AMMECR1: variants seen among roughly 807,000 people sequenced by gnomAD.
AMMECR1 encodes nuclear protein AMMECR1.
Under a neutral mutation model 22.5 loss-of-function variants are expected in AMMECR1, and 3 were observed. That is an observed-to-expected ratio of 0.13 (90% CI 0.06 to 0.35). The LOEUF is 0.35. Among genes scored for constraint, AMMECR1 ranks in the 10% least tolerant of loss-of-function variants. The pLI, the probability that AMMECR1 is intolerant of heterozygous loss-of-function variation, is 1.00. For synonymous variants in AMMECR1, 130 were observed against 116.7 expected, an observed-to-expected ratio of 1.11 and a Z score of -0.74; for missense variants, 235 against 278.7, an observed-to-expected ratio of 0.84 and a Z score of 1.12.
chrX:110,316,691 T>C (rs2068049709), intron 1 of AMMECR1, among the ~76,000 whole-genome samples: 2 of 110,647 alleles, frequency 1.8e-5, no homozygotes, highest in South Asian at 3.7e-4. Context: ...ACCACACACT[T>C]GAAGGGTAAA....
intron 1 of AMMECR1, among the ~76,000 whole-genome samples, chrX:110,271,049 G>C (rs2067795708): frequency 9.0e-6 from 1 of 111,634 alleles, no homozygotes; most frequent in Non-Finnish European, 1.9e-5. Context: ...CTGAGGCAGG[G>C]TCGAGAAGTT....
intron 5 of AMMECR1, among the ~76,000 whole-genome samples, chrX:110,198,866 T>C (rs1352924888): frequency 9.0e-6 from 1 of 111,300 alleles, no homozygotes; most frequent in African/African-American, 3.3e-5. Context: ...CTTGTTTAAA[T>C]TGTTCTTTTA....
intron 2 of AMMECR1, among the ~76,000 whole-genome samples, chrX:110,405,631 T>C (rs756646137): frequency 1.8e-5 from 2 of 112,040 alleles, no homozygotes; most frequent in East Asian, 5.6e-4. Flanking sequence ...TAAGGGAACA[T>C]TAACTGTGTG....
intron 2 of AMMECR1, among the ~76,000 whole-genome samples, chrX:110,381,509 GTTAAAGATTTC>G (rs1489939011): frequency 8.9e-6 from 1 of 111,907 alleles, no homozygotes; most frequent in Non-Finnish European, 1.9e-5. Context: ...GTGGAAAGCA[GTTAAAGATTTC>G]TCAAAGATCT....
At chrX:110,399,141 A>G (rs2068547541) in intron 2 of AMMECR1, among the ~76,000 whole-genome samples, 1 of 112,054 alleles carries the variant, frequency 8.9e-6, no homozygotes, top group African/African-American at 3.3e-5. Context: ...TAACAACAAT[A>G]ATATAATACA....
At chrX:110,256,345 G>A (rs1470455158) in intron 2 of AMMECR1, among the ~76,000 whole-genome samples, 1 of 111,927 alleles carries the variant, frequency 8.9e-6, no homozygotes, top group Non-Finnish European at 1.9e-5. Context: ...TCATTATGCG[G>A]TACATGACTA....
chrX:110,296,807 T>C (rs909222565), intron 1 of AMMECR1, among the ~76,000 whole-genome samples: 1 of 111,024 alleles, frequency 9.0e-6, no homozygotes, highest in African/African-American at 3.3e-5. Flanking sequence ...TCGTTCCATT[T>C]TTTGAACAGG....
At chrX:110,252,163 G>T (rs911713164) in intron 2 of AMMECR1, among the ~76,000 whole-genome samples, 1 of 111,516 alleles carries the variant, frequency 9.0e-6, no homozygotes, top group Non-Finnish European at 1.9e-5. Flanking sequence ...AAATTCAGTA[G>T]CTTCCCTTGG....
chrX:110,419,559 G>T (rs1005931971), intron 2 of AMMECR1, among the ~76,000 whole-genome samples: 4 of 112,657 alleles, frequency 3.6e-5, no homozygotes, highest in Non-Finnish European at 7.5e-5. Flanking sequence ...AGAGGACAGG[G>T]ACCTTGTCTG....
chrX:110,290,976 T>C (rs1326194395), intron 1 of AMMECR1, among the ~76,000 whole-genome samples: 1 of 111,573 alleles, frequency 9.0e-6, no homozygotes, highest in East Asian at 2.8e-4. Context: ...ATAATTTTGG[T>C]TTAAAAATTT....
chrX:110,286,498 C>T (rs2067880661), intron 1 of AMMECR1, among the ~76,000 whole-genome samples: 1 of 108,427 alleles, frequency 9.2e-6, no homozygotes, highest in Non-Finnish European at 1.9e-5. Flanking sequence ...AGCAAAAACC[C>T]GTCTCTACAA....
chrX:110,295,033 A>G (rs2148214822), intron 1 of AMMECR1, among the ~76,000 whole-genome samples: 1 of 111,346 alleles, frequency 9.0e-6, no homozygotes, highest in African/African-American at 3.3e-5. Flanking sequence ...TATTTTAAAA[A>G]AAAAAGACTC....
chrX:110,384,843 G>A (rs2068444213), intron 2 of AMMECR1, among the ~76,000 whole-genome samples: 1 of 110,673 alleles, frequency 9.0e-6, no homozygotes, highest in Non-Finnish European at 1.9e-5. Flanking sequence ...AGAATAAAGA[G>A]GTGCAAAACT....
intron 2 of AMMECR1, among the ~76,000 whole-genome samples, chrX:110,232,168 A>G (rs1013580793): frequency 8.9e-6 from 1 of 111,800 alleles, no homozygotes; most frequent in Non-Finnish European, 1.9e-5. Flanking sequence ...AAGCAGACCT[A>G]AGAGACATCT....
At chrX:110,275,863 T>A (rs2148204837) in intron 1 of AMMECR1, among the ~76,000 whole-genome samples, 1 of 111,499 alleles carries the variant, frequency 9.0e-6, no homozygotes, top group East Asian at 2.8e-4. Flanking sequence ...AATTAAAAAA[T>A]TATAATTGCT....
In AMMECR1 at chrX:110,194,483, A is replaced by C. The variant is rs759270588; in HGVS notation, c.*4037T>G. On this transcript the variant is annotated 3_prime_UTR_variant, in exon 6 of 6. Coordinates refer to ENST00000262844, the MANE Select transcript of AMMECR1 (RefSeq NM_015365.3). ...GTAATCAAAAAACAGGTTACTAAGAAAGAAGGAAAAGAGGAGCTACTCCAG... is the reference window on the plus strand; with the variant it reads ...GTAATCAAAAAACAGGTTACTAAGACAGAAGGAAAAGAGGAGCTACTCCAG... 6 of 112,075 alleles carry C rather than the reference A, an allele frequency of 5.4e-5. No individual in the cohort carries two copies. Among genetic ancestry groups the C allele is most frequent in the Non-Finnish European group, 1.1e-4 (6 of 53,205 alleles). 9.2% of individuals were successfully genotyped at this position (112,075 alleles called of 1,213,427 possible). A position where few individuals can be genotyped will look rare whatever the true frequency, so the allele number is the denominator to read the frequency against.
At chrX:110,384,909 T>G (rs903159456) in intron 2 of AMMECR1, among the ~76,000 whole-genome samples, 1 of 110,810 alleles carries the variant, frequency 9.0e-6, no homozygotes, top group East Asian at 2.8e-4. Flanking sequence ...TGTTGCCTCT[T>G]CCCTTTGTTT....
At chrX:110,356,829 A>G (rs1312344974) in intron 2 of AMMECR1, among the ~76,000 whole-genome samples, 1 of 111,687 alleles carries the variant, frequency 9.0e-6, no homozygotes, top group Non-Finnish European at 1.9e-5. Context: ...AGAGAAGTGC[A>G]GTTACTTGCC....
intron 2 of AMMECR1, among the ~76,000 whole-genome samples, chrX:110,243,411 C>G (rs2067643311): frequency 8.9e-6 from 1 of 112,300 alleles, no homozygotes; most frequent in Admixed American, 9.5e-5. Flanking sequence ...TCCCAAACAT[C>G]TGGAAAATTC....
Sources: gnomAD v4.1 joint callset for allele counts (sites outside exome capture counted in the v4.1 genomes callset) on GRCh38, gnomAD v4.1.1 for gene constraint, MANE v1.5 for transcripts, NCBI Gene and HGNC (gene_info 2026-07-23, HGNC 2026-07-21) for gene names.